Variants in RUBCN observed in about 807,000 individuals in gnomAD.
RUBCN encodes the protein rubicon autophagy regulator.
RUBCN carries 74 observed loss-of-function variants against 113.2 expected under a neutral mutation model. The observed-to-expected ratio is 0.65, with a 90% CI of 0.54 to 0.79. The LOEUF is 0.79. Ranked by LOEUF, RUBCN falls within the 30% of genes least tolerant of loss-of-function variation. The probability of loss-of-function intolerance (pLI) is 0.00; values close to 1 mark genes in which losing one functional copy is unlikely to be tolerated. For synonymous variants in RUBCN, 480 were observed against 490.0 expected (o/e 0.98, Z 0.27); for missense variants, 1,109 against 1,251.7 (o/e 0.89, Z 1.72).
chr3:197,743,921 T>C (rs1294992937), intron 1 of RUBCN, among the ~76,000 whole-genome samples: 1 of 151,938 alleles, frequency 6.6e-6, no homozygotes, highest in East Asian at 1.9e-4. Flanking sequence ...GAGGCGGAGG[T>C]TGCAGTGAGT....
intron 4 of RUBCN, among the ~76,000 whole-genome samples, chr3:197,704,318 C>A (rs1057480718): frequency 3.3e-5 from 5 of 152,188 alleles, no homozygotes; most frequent in African/African-American, 1.2e-4. Flanking sequence ...CCTGTAATCC[C>A]AGCTACTCAG....
chr3:197,747,042 C>T (rs971404112), intron 1 of RUBCN, among the ~76,000 whole-genome samples: 29 of 152,034 alleles, frequency 1.9e-4, no homozygotes, highest in Non-Finnish European at 5.9e-5. Context: ...ACCTTTTAAC[C>T]CTGGCCCTTG....
chr3:197,691,611 A>C (rs1292773057), intron 11 of RUBCN, among the ~76,000 whole-genome samples: 3 of 152,160 alleles, frequency 2.0e-5, no homozygotes, highest in African/African-American at 7.2e-5. Flanking sequence ...CTGATTGAAC[A>C]TCTCCTCAGG....
At chr3:197,747,906 G>A (rs547091616) in intron 1 of RUBCN, among the ~76,000 whole-genome samples, 13 of 151,670 alleles carry the variant, frequency 8.6e-5, no homozygotes, top group African/African-American at 3.1e-4. Context: ...ACTCAGGTCT[G>A]GGCCCACAAC....
chr3:197,742,718 C>T (rs1431327563), intron 1 of RUBCN, among the ~76,000 whole-genome samples: 2 of 152,186 alleles, frequency 1.3e-5, no homozygotes, highest in Non-Finnish European at 2.9e-5. Context: ...AGGGAACCTG[C>T]GGGGCACAGA....
intron 9 of RUBCN, among the ~76,000 whole-genome samples, 181 bp downstream of exon 9, chr3:197,695,685 A>T (rs1162191906): frequency 6.6e-6 from 1 of 152,218 alleles, no homozygotes; most frequent in Non-Finnish European, 1.5e-5. Flanking sequence ...ATTTGGACTC[A>T]GTGAGGGGCA....
Position 197,680,329 on chromosome 3 carries a change from C to A in RUBCN, c.2430+800G>T, listed in dbSNP as rs559041942. On this transcript the variant is annotated intron_variant, in intron 16 of 19. Transcript: ENST00000296343. ...GGCTCCAGACTGTCCTACGCTCTGACAACTGGCTCCAGACTGTCCTACGCT... is the reference window on the plus strand; with the variant it reads ...GGCTCCAGACTGTCCTACGCTCTGAAAACTGGCTCCAGACTGTCCTACGCT... Among the ~76,000 whole-genome samples the A allele has an allele frequency of 4.3e-5, 6 of 140,812 alleles. No individual in the cohort carries two copies. In the East Asian group the frequency reaches 1.3e-3, roughly 30 times the overall value. The allele number at this position is 140,812 out of a possible 152,430, so 92.4% of individuals were successfully genotyped here. A position where few individuals can be genotyped will look rare whatever the true frequency, so the allele number is the denominator to read the frequency against.
intron 1 of RUBCN, among the ~76,000 whole-genome samples, chr3:197,742,867 G>A (rs1728582789): frequency 1.3e-5 from 2 of 152,202 alleles, no homozygotes; most frequent in African/African-American, 4.8e-5. Flanking sequence ...TATGTAAATG[G>A]GTGGAATTTT....
At chr3:197,714,093 C>G (rs960091806) in intron 2 of RUBCN, among the ~76,000 whole-genome samples, 3 of 151,822 alleles carry the variant, frequency 2.0e-5, no homozygotes, top group Non-Finnish European at 4.4e-5. Flanking sequence ...AAAGAGAATA[C>G]AAAGACAAAA....
In RUBCN at chr3:197,674,967, G is replaced by T; in HGVS notation, c.*51C>A. 1 of 1,571,000 alleles carries T rather than the reference G, an allele frequency of 6.4e-7. No individual in the cohort carries two copies. The highest frequency in any genetic ancestry group is 8.7e-7 in the Non-Finnish European group (1 of 1,153,466). On this transcript the variant is annotated 3_prime_UTR_variant, in exon 20 of 20. Coordinates refer to ENST00000296343, the MANE Select transcript of RUBCN (RefSeq NM_014687.4). ...GGCGAGTCCTTCAAAGAGTGGCTCA[G>T]TTCTGCAACAGGTGTGACCCGGCCC...
intron 10 of RUBCN, 131 bp from the exon 11 acceptor site, chr3:197,693,947 CA>C: frequency 1.4e-6 from 1 of 701,688 alleles, no homozygotes; most frequent in South Asian, 1.6e-5. Context: ...TAGAAAGTTT[CA>C]AGTAAATAGA....
intron 9 of RUBCN, 35 bp from the exon 10 acceptor site, chr3:197,694,620 T>C (rs1170227193): frequency 6.4e-7 from 1 of 1,564,222 alleles, no homozygotes; most frequent in African/African-American, 1.4e-5. Flanking sequence ...GGCAAAGGGT[T>C]AGAAGTATTG....
intron 2 of RUBCN, among the ~76,000 whole-genome samples, chr3:197,716,365 T>C (rs1490947403): frequency 1.3e-5 from 2 of 152,222 alleles, no homozygotes; most frequent in African/African-American, 4.8e-5. Context: ...TCTCAAGTGA[T>C]CTGCCCCACT....
intron 11 of RUBCN, chr3:197,690,933 CCA>C (rs976316368): frequency 1.2e-4 from 50 of 415,950 alleles, no homozygotes; most frequent in African/African-American, 9.7e-4. Context: ...TGGCTTAGCT[CCA>C]GTTTCTTCCA....
Position 197,736,710 on chromosome 3 carries a change from C to T in RUBCN, c.10G>A (p.Glu4Lys), listed in dbSNP as rs1237642459. The T allele has an allele frequency of 6.5e-7, 1 of 1,531,206 alleles. No individual in the cohort carries two copies. The highest frequency in any genetic ancestry group is 8.7e-7 in the Non-Finnish European group (1 of 1,145,536). The allele number at this position is 1,531,206 out of a possible 1,614,324, so 94.9% of individuals were successfully genotyped here. Residue 4 changes from glutamate to lysine, a missense_variant, in exon 1 of 20, where the codon GAG becomes AAG. Glu to Lys is a moderately conservative substitution (Grantham distance 56, BLOSUM62 1). Around this residue, in one of 3 missense-constraint regions of RUBCN, gnomAD observed 736 missense variants for 779.6 expected, o/e 0.94. Transcript: ENST00000296343. ...CCTCCGAGCTCCATTCCCGCGCCCT[C>T]CGGCCGCATCCGGGGCGGTGAGGCC... MRP[E>K]GAGMELGGGE...
rs1720238998 is a variant in RUBCN at position 197,675,271 on chromosome 3, C to T, written c.2741-75G>A. 5 of 1,580,868 alleles carry T rather than the reference C, an allele frequency of 3.2e-6. No individual in the cohort carries two copies. The highest frequency in any genetic ancestry group is 4.3e-6 in the Non-Finnish European group (5 of 1,150,464). On this transcript the variant is annotated intron_variant, in intron 19 of 19. Coordinates refer to ENST00000296343, the MANE Select transcript of RUBCN (RefSeq NM_014687.4). The surrounding 1 kb of genome is among the most constrained non-coding windows in gnomAD (Gnocchi z 4.4). ...TCCAGCTAGAGGTCAGTTGCTGCCACAGCCCCTTCTCGCCACCAAGGCGTG... is the reference window on the plus strand; with the variant it reads ...TCCAGCTAGAGGTCAGTTGCTGCCATAGCCCCTTCTCGCCACCAAGGCGTG...
rs777336467 is a variant in RUBCN, at chr3:197,700,655, G to C, written c.1219C>G (p.Arg407Gly). The change falls in exon 7 of 20, where the codon CGC (arginine) becomes GGC (glycine). Residue 407 changes from arginine to glycine, a missense_variant. By Grantham distance (125) the Arg-to-Gly change is moderately radical (BLOSUM62 -2). Transcript: ENST00000296343. Reference protein sequence around the residue: ...VTSGAKKSHIRSHSDTSIASR... With the variant: ...VTSGAKKSHIGSHSDTSIASR... Reference sequence around the variant, plus strand: ...GCAATGCTGGTATCCGAATGGGAGCGAATGTGGCTTTTCTTTGCCCCACTG... The same window carrying C: ...GCAATGCTGGTATCCGAATGGGAGCCAATGTGGCTTTTCTTTGCCCCACTG... 1 of 1,613,964 alleles carries C rather than the reference G, an allele frequency of 6.2e-7. No homozygotes were observed. Among genetic ancestry groups the C allele is most frequent in the Non-Finnish European group, 8.5e-7 (1 of 1,179,996 alleles).
intron 1 of RUBCN, among the ~76,000 whole-genome samples, chr3:197,734,790 G>A (rs1056327658): frequency 2.0e-5 from 3 of 152,150 alleles, no homozygotes; most frequent in Non-Finnish European, 2.9e-5. Context: ...TCTGCAGGAA[G>A]AATAAATAGT....
intron 1 of RUBCN, among the ~76,000 whole-genome samples, chr3:197,734,041 A>G (rs2109008530): frequency 6.6e-6 from 1 of 152,226 alleles, no homozygotes; most frequent in African/African-American, 2.4e-5. Flanking sequence ...AGATCCTCTG[A>G]GGTCAGGAGT....
Sources: allele counts gnomAD v4.1 joint callset (sites outside exome capture counted in the v4.1 genomes callset), GRCh38; gene constraint gnomAD v4.1.1; regional missense constraint gnomAD v4.1.1; non-coding constraint Gnocchi (gnomAD v3.1); transcripts MANE v1.5; gene names NCBI Gene and HGNC (gene_info 2026-07-23, HGNC 2026-07-21).